RPS6KB1: variants seen among roughly 807,000 people sequenced by gnomAD.
RPS6KB1 encodes ribosomal protein S6 kinase beta-1.
Under a neutral mutation model 70.2 loss-of-function variants are expected in RPS6KB1, and 12 were observed. The observed-to-expected ratio is 0.17, with a 90% CI of 0.11 to 0.28. RPS6KB1 has a LOEUF of 0.28. RPS6KB1 is among the 10% of genes least tolerant of loss of function. RPS6KB1 has a pLI of 1.00. For synonymous variants in RPS6KB1, 175 were observed against 211.2 expected, an observed-to-expected ratio of 0.83 and a Z score of 1.49; for missense variants, 270 against 646.6, an observed-to-expected ratio of 0.42 and a Z score of 6.32.
chr17:59,933,202 CTTT>C (rs879488247), intron 7 of RPS6KB1, among the ~76,000 whole-genome samples: 1 of 141,700 alleles, frequency 7.1e-6, no homozygotes. Context: ...CTCCACCCAC[CTTT>C]TTTTTTTTTT....
chr17:59,901,958 G>GCCGT (rs2041977841), intron 1 of RPS6KB1, among the ~76,000 whole-genome samples: 1 of 146,784 alleles, frequency 6.8e-6, no homozygotes, highest in Admixed American at 7.0e-5. Context: ...GGTTGAGTTT[G>GCCGT]CCGTGATCCT....
intron 13 of RPS6KB1, among the ~76,000 whole-genome samples, chr17:59,941,479 T>G (rs1284546329): frequency 6.6e-6 from 1 of 152,028 alleles, no homozygotes; most frequent in East Asian, 1.9e-4. Context: ...GTGTGCCACA[T>G]GCAGCTAATT....
intron 1 of RPS6KB1, among the ~76,000 whole-genome samples, chr17:59,900,729 G>C (rs1445079887): frequency 6.6e-6 from 1 of 152,114 alleles, no homozygotes; most frequent in Non-Finnish European, 1.5e-5. Flanking sequence ...AGATTAGATT[G>C]ATTTTAAAGC....
chr17:59,929,346 G>A (rs1296631355), intron 5 of RPS6KB1, among the ~76,000 whole-genome samples: 3 of 152,040 alleles, frequency 2.0e-5, no homozygotes, highest in African/African-American at 7.2e-5. Flanking sequence ...TGATCTGTCC[G>A]CCTCGGCCTC....
chr17:59,943,988 C>G (rs1016429301), intron 13 of RPS6KB1, among the ~76,000 whole-genome samples: 1 of 151,238 alleles, frequency 6.6e-6, no homozygotes, highest in Non-Finnish European at 1.5e-5. Flanking sequence ...TTCTAGCAAC[C>G]TCATTTCAAC....
At chr17:59,924,928 A>C (rs1247508441) in intron 4 of RPS6KB1, among the ~76,000 whole-genome samples, 1 of 151,924 alleles carries the variant, frequency 6.6e-6, no homozygotes, top group Non-Finnish European at 1.5e-5. Context: ...TCCCAGGTTC[A>C]TGCCATTCTC....
At chr17:59,922,337 G>A (rs528936146) in intron 4 of RPS6KB1, among the ~76,000 whole-genome samples, 61 of 151,988 alleles carry the variant, frequency 4.0e-4, no homozygotes, top group African/African-American at 1.3e-3. Flanking sequence ...CTCCGTTCCC[G>A]GCCTCTTTTT....
chr17:59,903,304 C>T lies in RPS6KB1; in HGVS notation c.142-7258C>T, dbSNP rs188470642. Among the ~76,000 whole-genome samples, 824 of 117,716 alleles carry T rather than the reference C, an allele frequency of 7.0e-3. 7 individuals carry two copies. The highest frequency in any genetic ancestry group is 0.029 in the Middle Eastern group (7 of 238). The allele number at this position is 117,716 out of a possible 152,430, so 77.2% of individuals were successfully genotyped here. The stretch of plus-strand genomic sequence containing the variant: ...TGGGCAACAGAGTGAGACTCTGTCT[C>T]AAAAAAAAAAAAGAAAAAAAAAGAG... On this transcript the variant is annotated intron_variant, in intron 1 of 14. Coordinates refer to ENST00000225577, the MANE Select transcript of RPS6KB1 (RefSeq NM_003161.4).
chr17:59,918,662 G>T lies in RPS6KB1; in HGVS notation c.381+3959G>T, dbSNP rs1032504499. On this transcript the variant is annotated intron_variant, in intron 4 of 14. Coordinates refer to ENST00000225577, the MANE Select transcript of RPS6KB1 (RefSeq NM_003161.4). Reference sequence around the variant, plus strand: ...TGGGATTACAGGTGTGAGCCACCACGCCCAGCCTCTCTGAGAGTTTAATTA... The same window carrying T: ...TGGGATTACAGGTGTGAGCCACCACTCCCAGCCTCTCTGAGAGTTTAATTA... Among the ~76,000 whole-genome samples the T allele has an allele frequency of 2.6e-5, 4 of 151,944 alleles. No individual in the cohort carries two copies. In the South Asian group the frequency reaches 6.2e-4, roughly 24 times the overall value.
intron 6 of RPS6KB1, 193 bp downstream of exon 6, chr17:59,930,367 G>A (rs2043861962): frequency 1.7e-6 from 1 of 575,080 alleles, no homozygotes; most frequent in Non-Finnish European, 3.2e-6. Flanking sequence ...GGCTTGAGTG[G>A]AACGCTCTTC....
In RPS6KB1 at chr17:59,949,545, T is replaced by C. The variant is rs1306390182; in HGVS notation, c.*2757T>C. ...TCACTGAAGTTTACTAATTTGATTT[T>C]ATAAGGTTTGTAGCATTACAGAATA... On this transcript the variant is annotated 3_prime_UTR_variant, in exon 15 of 15. Coordinates refer to ENST00000225577, the MANE Select transcript of RPS6KB1 (RefSeq NM_003161.4). The C allele has an allele frequency of 6.6e-6, 1 of 152,580 alleles. No individual in the cohort carries two copies. Among genetic ancestry groups the C allele is most frequent in the East Asian group, 1.9e-4 (1 of 5,202 alleles). 9.5% of individuals were successfully genotyped at this position (152,580 alleles called of 1,614,324 possible).
chr17:59,940,275 C>CTTT lies in RPS6KB1; in HGVS notation c.1120-537_1120-535dup, dbSNP rs559026454. Among the ~76,000 whole-genome samples, 8 of 81,490 alleles carry CTTT rather than the reference C, an allele frequency of 9.8e-5. 1 individual carries two copies. Among genetic ancestry groups the CTTT allele is most frequent in the Admixed American group, 1.8e-4 (1 of 5,682 alleles). The allele number at this position is 81,490 out of a possible 152,430, so 53.5% of individuals were successfully genotyped here. The stretch of plus-strand genomic sequence containing the variant: ...GCTTGTTTTGAGCTCGATATATTCA[C>CTTT]TTTTTTTTTTTTTTTTTTTTTTTTT... On this transcript the variant is annotated intron_variant, in intron 12 of 14. Coordinates refer to ENST00000225577, the MANE Select transcript of RPS6KB1 (RefSeq NM_003161.4).
Position 59,934,325 on chromosome 17 carries a change from A to C in RPS6KB1, c.779+65A>C. ...GCTAATTTTACCTGTTTTAAGGAATAGTATCTGTTTTCTGTACCCTCATTG... is the reference window on the plus strand; with the variant it reads ...GCTAATTTTACCTGTTTTAAGGAATCGTATCTGTTTTCTGTACCCTCATTG... On this transcript the variant is annotated intron_variant, in intron 8 of 14. Transcript: ENST00000225577. This position sits in a 1 kb window ranked among gnomAD's most constrained non-coding sequence, Gnocchi z 4.8. 2.7e-6 allele frequency: 4 copies of C among 1,455,260 alleles called. No individual in the cohort carries two copies. The highest frequency in any genetic ancestry group is 2.9e-6 in the Non-Finnish European group (3 of 1,035,686). The allele number at this position is 1,455,260 out of a possible 1,614,324, so 90.1% of individuals were successfully genotyped here.
chr17:59,922,040 A>ATTTT (rs36071603), intron 4 of RPS6KB1, among the ~76,000 whole-genome samples: 10 of 130,156 alleles, frequency 7.7e-5, no homozygotes, highest in Admixed American at 4.7e-4. Context: ...GAATAAGGGC[A>ATTTT]TTTTTTTTTT....
At chr17:59,912,896 A>C in intron 3 of RPS6KB1, 92 bp downstream of exon 3, 1 of 1,374,760 alleles carries the variant, frequency 7.3e-7, no homozygotes, top group Non-Finnish European at 1.0e-6. Context: ...AGTCTTTGTC[A>C]GCTATCAGCA....
rs2042028663 is a variant in RPS6KB1, at chr17:59,902,687, CTG to C, written c.142-7874_142-7873del. On this transcript the variant is annotated intron_variant, in intron 1 of 14. Transcript: ENST00000225577. The stretch of plus-strand genomic sequence containing the variant: ...ACCCTCCTGGGCTGAAGTAATTCTT[CTG>C]CCTCAGTCTCTCATGTAGCTGGGAC... Among the ~76,000 whole-genome samples, 5 of 150,760 alleles carry C rather than the reference CTG, an allele frequency of 3.3e-5. No homozygotes were observed. In the Admixed American group the frequency reaches 3.3e-4, roughly 10 times the overall value.
intron 6 of RPS6KB1, 30 bp downstream of exon 6, chr17:59,930,204 T>A (rs755898165): frequency 7.6e-5 from 96 of 1,266,208 alleles, no homozygotes; most frequent in Non-Finnish European, 1.2e-6. Context: ...TTGCATAGAT[T>A]CAGGTAATTA....
intron 13 of RPS6KB1, among the ~76,000 whole-genome samples, chr17:59,941,338 T>C (rs1383687549): frequency 3.0e-4 from 45 of 150,646 alleles, no homozygotes; most frequent in Admixed American, 1.5e-3. Context: ...TTTTTTTTTT[T>C]GAGACAGGGT....
At chr17:59,902,551 G>A (rs1238426285) in intron 1 of RPS6KB1, among the ~76,000 whole-genome samples, 1 of 150,718 alleles carries the variant, frequency 6.6e-6, no homozygotes, top group East Asian at 1.9e-4. Flanking sequence ...ATGTTCAACT[G>A]AATTGTGAAT....
Sources: allele counts gnomAD v4.1 joint callset (sites outside exome capture counted in the v4.1 genomes callset), GRCh38; gene constraint gnomAD v4.1.1; non-coding constraint Gnocchi (gnomAD v3.1); transcripts MANE v1.5; gene names NCBI Gene and HGNC (gene_info 2026-07-23, HGNC 2026-07-21).